SLC9D1: variants seen among roughly 807,000 people sequenced by gnomAD.
SLC9D1 encodes solute carrier family 9 member D1.
the SLC9D1 span, chr13:113,529,442 A>AG: frequency 6.6e-6 from 1 of 152,356 alleles, no homozygotes; most frequent in African/African-American, 2.4e-5. Flanking sequence ...CGAGGTCAGG[A>AG]GATCGAGACC....
At chr13:113,534,114 T>C in the SLC9D1 span, 1 of 1,613,180 alleles carries the variant, frequency 6.2e-7, no homozygotes, top group East Asian at 2.2e-5. Flanking sequence ...CGGCGGTTTT[T>C]CTTTTATGTC....
the SLC9D1 span, chr13:113,496,108 A>G: frequency 2.0e-6 from 2 of 1,000,320 alleles, no homozygotes. Flanking sequence ...CCACATCCTC[A>G]TCCTAGAGAC....
the SLC9D1 span, among the ~76,000 whole-genome samples, chr13:113,543,110 C>CCCCACCTCTGTCCGTGA: frequency 2.8e-5 from 3 of 108,624 alleles, no homozygotes; most frequent in African/African-American, 1.0e-4. Flanking sequence ...CCTCCCCCTG[C>CCCCACCTCTGTCCGTGA]CCCCAGCCCT....
At chr13:113,503,046 G>A in the SLC9D1 span, among the ~76,000 whole-genome samples, 5 of 152,324 alleles carry the variant, frequency 3.3e-5, no homozygotes, top group East Asian at 7.7e-4. Context: ...TTTTGGAGTA[G>A]GTCTTTTTCA....
At chr13:113,529,594 G>A in the SLC9D1 span, 2 of 152,018 alleles carry the variant, frequency 1.3e-5, no homozygotes, top group Non-Finnish European at 2.9e-5. Context: ...AGGTTGCAGT[G>A]AGCTGAGATC....
At chr13:113,537,455 G>A in the SLC9D1 span, among the ~76,000 whole-genome samples, 3 of 152,208 alleles carry the variant, frequency 2.0e-5, no homozygotes, top group Non-Finnish European at 4.4e-5. Context: ...TGGCCGCGTC[G>A]CCGTGCGCAC....
the SLC9D1 span, among the ~76,000 whole-genome samples, chr13:113,533,008 C>T: frequency 2.9e-4 from 7 of 24,460 alleles, no homozygotes; most frequent in East Asian, 2.5e-3. Flanking sequence ...CTCCTGAAGT[C>T]GCAGACGTGG....
chr13:113,494,964 A>G, the SLC9D1 span, among the ~76,000 whole-genome samples: 1 of 152,144 alleles, frequency 6.6e-6, no homozygotes, highest in African/African-American at 2.4e-5. Context: ...GCTCCCTGCA[A>G]CGTCCGCCTC....
the SLC9D1 span, among the ~76,000 whole-genome samples, chr13:113,491,714 G>A: frequency 6.6e-6 from 1 of 152,178 alleles, no homozygotes; most frequent in Non-Finnish European, 1.5e-5. Context: ...CTGGCCGCCC[G>A]GGTGGACTCG....
chr13:113,548,210 G>A, the SLC9D1 span: 79 of 1,437,756 alleles, frequency 5.5e-5, no homozygotes, highest in Admixed American at 7.2e-4. Context: ...CCATCGCAGC[G>A]TGCCTGTGGC....
the SLC9D1 span, among the ~76,000 whole-genome samples, chr13:113,492,272 A>G: frequency 1.3e-5 from 2 of 152,236 alleles, no homozygotes; most frequent in Non-Finnish European, 2.9e-5. Flanking sequence ...GTCGTAATAC[A>G]GCAGTGGCAT....
At chr13:113,505,479 T>C in the SLC9D1 span, 2 of 152,216 alleles carry the variant, frequency 1.3e-5, no homozygotes, top group East Asian at 1.9e-4. Flanking sequence ...GCGGCGTGAC[T>C]ACCATGGAGT....
At chr13:113,527,017 G>A in the SLC9D1 span, among the ~76,000 whole-genome samples, 1 of 152,194 alleles carries the variant, frequency 6.6e-6, no homozygotes, top group South Asian at 2.1e-4. Flanking sequence ...AGGCGGCCTG[G>A]GTGGGTCTGG....
At chr13:113,548,256 T>C in the SLC9D1 span, 4 of 1,604,328 alleles carry the variant, frequency 2.5e-6, no homozygotes, top group South Asian at 2.2e-5. Context: ...TGTTTAACTC[T>C]GTGTGGGTCC....
At chr13:113,499,881 C>G in the SLC9D1 span, 1 of 820,634 alleles carries the variant, frequency 1.2e-6, no homozygotes, top group Non-Finnish European at 1.7e-6. Context: ...TTTTAACATT[C>G]TTCTGTTTAG....
chr13:113,500,213 C>A, the SLC9D1 span: 2 of 1,088,888 alleles, frequency 1.8e-6, no homozygotes, highest in South Asian at 3.1e-5. Flanking sequence ...TCAGTATGAC[C>A]GAGCTTTATC....
At chr13:113,495,476 T>A in the SLC9D1 span, 2 of 758,714 alleles carry the variant, frequency 2.6e-6, no homozygotes, top group Non-Finnish European at 4.4e-6. Flanking sequence ...ATTGTTTAAC[T>A]ATGTGTGACA....
At chr13:113,536,125 C>G in the SLC9D1 span, among the ~76,000 whole-genome samples, 1 of 152,154 alleles carries the variant, frequency 6.6e-6, no homozygotes, top group African/African-American at 2.4e-5. Flanking sequence ...CGCCTGTAAT[C>G]GCAGCACTTT....
chr13:113,500,078 C>A, the SLC9D1 span: 1 of 1,595,480 alleles, frequency 6.3e-7, no homozygotes, highest in Non-Finnish European at 8.5e-7. Context: ...GATTGACTCC[C>A]AGAACAACCA....
Sources: allele counts gnomAD v4.1 joint callset (sites outside exome capture counted in the v4.1 genomes callset), GRCh38; gene constraint gnomAD v4.1.1; transcripts MANE v1.5; gene names NCBI Gene and HGNC (gene_info 2026-07-23, HGNC 2026-07-21).